Variants in TRPM3 observed in about 807,000 individuals in gnomAD.
TRPM3 encodes the protein long transient receptor potential channel 3.
Under a neutral mutation model 181.2 loss-of-function variants are expected in TRPM3, and 77 were observed. The ratio of observed to expected loss-of-function variants is 0.42; its 90% CI spans 0.35 to 0.51. The LOEUF is 0.51. Ranked by LOEUF, TRPM3 falls within the 20% of genes least tolerant of loss-of-function variation. The pLI is 0.01. For missense variants in TRPM3, 1,759 were observed against 2,196.7 expected (o/e 0.80, Z 3.98); for synonymous variants, 745 against 796.4 (o/e 0.94, Z 1.09).
At chr9:70,550,842 G>C (rs2046294914) in intron 24 of TRPM3, among the ~76,000 whole-genome samples, 1 of 152,192 alleles carries the variant, frequency 6.6e-6, no homozygotes, top group Admixed American at 6.5e-5. Context: ...CCAGAAATTA[G>C]ACTGCTCTTG....
intron 1 of TRPM3, among the ~76,000 whole-genome samples, chr9:71,246,719 T>C (rs2082055327): frequency 6.6e-6 from 1 of 152,224 alleles, no homozygotes; most frequent in South Asian, 2.1e-4. Flanking sequence ...CATCTCAAAA[T>C]TGTCCTCTGT....
At chr9:71,055,815 A>T (rs185181035) in intron 1 of TRPM3, among the ~76,000 whole-genome samples, 2 of 152,182 alleles carry the variant, frequency 1.3e-5, no homozygotes, top group African/African-American at 2.4e-5. Context: ...GTAAACCAGA[A>T]GAATTTCTGC....
intron 5 of TRPM3, among the ~76,000 whole-genome samples, chr9:70,833,926 T>C (rs2094125746): frequency 6.6e-6 from 1 of 151,944 alleles, no homozygotes; most frequent in Non-Finnish European, 1.5e-5. Context: ...GGGATACCAC[T>C]GAGAAGTGGG....
At position 71,420,808 on chromosome 9, in the gene TRPM3, A is replaced by AGG. The variant is rs1565557627; in HGVS notation, c.183+25844_183+25845insCC. On this transcript the variant is annotated intron_variant, in intron 1 of 24. Transcript: ENST00000357533. ...GAGAAAGAGAGAGAAAGAAAGAGAG[A>AGG]AAGAAAGAGAGAAAGAGAGGGAAAG... 3.7e-4 allele frequency among the ~76,000 whole-genome samples: 49 copies of AGG among 132,590 alleles called. 19 individuals carry two copies. The highest frequency in any genetic ancestry group is 7.5e-4 in the Non-Finnish European group (45 of 60,340). 87.0% of individuals were successfully genotyped at this position (132,590 alleles called of 152,430 possible).
chr9:71,288,205 T>C (rs2085465059), intron 1 of TRPM3, among the ~76,000 whole-genome samples: 1 of 151,470 alleles, frequency 6.6e-6, no homozygotes, highest in South Asian at 2.1e-4. Context: ...TAATATTTAA[T>C]ATCATAATTA....
chr9:71,110,251 G>A (rs2070768876), intron 1 of TRPM3, among the ~76,000 whole-genome samples: 1 of 152,160 alleles, frequency 6.6e-6, no homozygotes, highest in Non-Finnish European at 1.5e-5. Context: ...TCATCTCATA[G>A]TTGGCAAACT....
chr9:71,095,378 C>T (rs1024365821), intron 1 of TRPM3, among the ~76,000 whole-genome samples: 3 of 26,592 alleles, frequency 1.1e-4, no homozygotes, highest in African/African-American at 4.9e-4. Flanking sequence ...AGGTGGGGCA[C>T]GACGGGAGAT....
rs61445272 is a variant in TRPM3, at chr9:70,746,267, CAGAGAG to C, written c.1272+15328_1272+15333del. ...AGGATGCCCATTTGAAAAACAAAAA[CAGAGAG>C]AGAGAGAGAGAGAGAGAGATGAAAC... On this transcript the variant is annotated intron_variant, in intron 8 of 25. Coordinates refer to ENST00000677713, the MANE Select transcript of TRPM3 (RefSeq NM_001366145.2). 2.0e-3 allele frequency among the ~76,000 whole-genome samples: 299 copies of C among 149,256 alleles called. 1 individual carries two copies. Among genetic ancestry groups the C allele is most frequent in the African/African-American group, 5.4e-3 (220 of 40,662 alleles).
chr9:71,196,250 TC>T (rs1302102626), intron 1 of TRPM3, among the ~76,000 whole-genome samples: 1 of 150,888 alleles, frequency 6.6e-6, no homozygotes, highest in African/African-American at 2.4e-5. Flanking sequence ...AACCTCTGGG[TC>T]TTAATTATTT....
At chr9:71,286,032 AAG>A (rs1491476496) in intron 1 of TRPM3, among the ~76,000 whole-genome samples, 124 of 143,062 alleles carry the variant, frequency 8.7e-4, no homozygotes, top group African/African-American at 3.2e-3. Context: ...TTTTCAGGGA[AAG>A]AAAAAAGTGA....
chr9:70,573,580 A>C lies in TRPM3; in HGVS notation c.3223+17451T>G, dbSNP rs558559181. The stretch of plus-strand genomic sequence containing the variant: ...ATGTCAATGATGCCCCTAATCAGGG[A>C]GGGCAAGCAAAAACAATCAGGGAGG... On this transcript the variant is annotated intron_variant, in intron 22 of 25. Transcript: ENST00000677713. Among the ~76,000 whole-genome samples, 37 of 152,242 alleles carry C rather than the reference A, an allele frequency of 2.4e-4. No homozygotes were observed. The South Asian group carries it at 7.7e-3, about 32-fold the overall frequency.
At chr9:70,809,592 A>G (rs62545989) in intron 6 of TRPM3, among the ~76,000 whole-genome samples, 4,562 of 152,320 alleles carry the variant, frequency 0.03, 92 homozygotes, top group Middle Eastern at 0.058. Context: ...AGGCTATACT[A>G]TATAGCCTAG....
chr9:70,927,996 G>C (rs1052447123), intron 1 of TRPM3, among the ~76,000 whole-genome samples: 2 of 152,138 alleles, frequency 1.3e-5, no homozygotes, highest in Non-Finnish European at 2.9e-5. Flanking sequence ...TGGAAGTATG[G>C]GGGCTAGTTT....
intron 3 of TRPM3, among the ~76,000 whole-genome samples, chr9:70,862,339 A>T (rs1428278083): frequency 6.6e-6 from 1 of 152,154 alleles, no homozygotes; most frequent in African/African-American, 2.4e-5. Flanking sequence ...CCCCAACTCA[A>T]AAAATGCTTT....
chr9:71,289,434 A>T (rs989957369), intron 1 of TRPM3, among the ~76,000 whole-genome samples: 10 of 152,216 alleles, frequency 6.6e-5, no homozygotes, highest in African/African-American at 2.4e-4. Flanking sequence ...TGTGCACTTA[A>T]AGATACAGCT....
intron 1 of TRPM3, among the ~76,000 whole-genome samples, chr9:71,150,269 A>C (rs2075661217): frequency 1.3e-5 from 2 of 152,164 alleles, no homozygotes; most frequent in Non-Finnish European, 2.9e-5. Flanking sequence ...ATGAAAATAC[A>C]TAAAAGATTG....
intron 1 of TRPM3, among the ~76,000 whole-genome samples, chr9:71,063,018 T>C (rs565023851): frequency 5.9e-5 from 9 of 152,172 alleles, no homozygotes; most frequent in Admixed American, 5.2e-4. Context: ...GAGAGAAAAA[T>C]GGCAATAAAA....
intron 1 of TRPM3, among the ~76,000 whole-genome samples, chr9:71,420,809 AAGAAAG>A (rs1270560440): frequency 1.8e-4 from 1 of 5,550 alleles, no homozygotes; most frequent in African/African-American, 5.4e-4. Context: ...GAAAGAGAGA[AAGAAAG>A]AGAGAAAGAG....
At chr9:71,022,149 T>C (rs1564994336) in intron 1 of TRPM3, among the ~76,000 whole-genome samples, 1 of 152,124 alleles carries the variant, frequency 6.6e-6, no homozygotes, top group African/African-American at 2.4e-5. Context: ...TCTTACAATA[T>C]AGCTACATTA....
Sources: allele counts gnomAD v4.1 joint callset (sites outside exome capture counted in the v4.1 genomes callset), GRCh38; gene constraint gnomAD v4.1.1; transcripts MANE v1.5; gene names NCBI Gene and HGNC (gene_info 2026-07-23, HGNC 2026-07-21).